KHDRBS2: variants seen among roughly 807,000 people sequenced by gnomAD.
KHDRBS2 encodes the protein KH domain-containing, RNA-binding, signal transduction-associated protein 2.
A neutral mutation model predicts 44.3 loss-of-function variants in KHDRBS2; 26 were observed. That is an observed-to-expected ratio of 0.59 (90% CI 0.43 to 0.81). The LOEUF is 0.81. KHDRBS2 is among the 40% of genes least tolerant of loss of function. The pLI, the probability that KHDRBS2 is intolerant of heterozygous loss-of-function variation, is 0.00. For synonymous variants in KHDRBS2, 194 were observed against 151.1 expected (o/e 1.28, Z -2.08); for missense variants, 476 against 433.1 (o/e 1.10, Z -0.88).
the KHDRBS2 span, among the ~76,000 whole-genome samples, chr6:61,564,574 T>C: frequency 1.3e-5 from 2 of 151,992 alleles, no homozygotes; most frequent in Non-Finnish European, 2.9e-5. Flanking sequence ...AGCATAAATG[T>C]AAAGTTGAGG....
intron 2 of KHDRBS2, among the ~76,000 whole-genome samples, chr6:62,098,594 G>T (rs73489274): frequency 6.6e-6 from 1 of 152,076 alleles, no homozygotes; most frequent in East Asian, 1.9e-4. Context: ...TTCGACCTTT[G>T]AGAGATCAAT....
At chr6:61,565,435 C>G in the KHDRBS2 span, among the ~76,000 whole-genome samples, 1 of 151,898 alleles carries the variant, frequency 6.6e-6, no homozygotes, top group African/African-American at 2.4e-5. Flanking sequence ...GGATAAAAAC[C>G]AGGATATAAA....
At chr6:61,807,994 A>C (rs1787440470) in intron 6 of KHDRBS2, among the ~76,000 whole-genome samples, 1 of 152,034 alleles carries the variant, frequency 6.6e-6, no homozygotes, top group South Asian at 2.1e-4. Context: ...AGAACAAATT[A>C]AATACTTTTT....
rs531003048 is a variant in KHDRBS2 at position 62,119,095 on chromosome 6, G to A, written c.219+58090C>T. On this transcript the variant is annotated intron_variant, in intron 2 of 8. Coordinates refer to ENST00000281156, the MANE Select transcript of KHDRBS2 (RefSeq NM_152688.4). ...GAGAATTCAAAGATAGATTTCTTTA[G>A]TTGGTTTTGGGGTTACTGGAGTTGG... Among the ~76,000 whole-genome samples the A allele has an allele frequency of 1.3e-4, 20 of 152,260 alleles. No individual in the cohort carries two copies. In the South Asian group the frequency reaches 1.7e-3, roughly 13 times the overall value.
intron 2 of KHDRBS2, among the ~76,000 whole-genome samples, chr6:62,069,292 G>T (rs1311742394): frequency 6.6e-6 from 1 of 151,656 alleles, no homozygotes; most frequent in South Asian, 2.1e-4. Context: ...AAAAGAAAAT[G>T]TTACTATGAA....
intron 2 of KHDRBS2, among the ~76,000 whole-genome samples, chr6:62,108,531 C>T (rs1180674702): frequency 1.3e-5 from 2 of 152,154 alleles, no homozygotes; most frequent in Non-Finnish European, 2.9e-5. Flanking sequence ...TCGTGGAAGT[C>T]AGTGTGGCGA....
At chr6:62,086,083 G>A (rs1477378734) in intron 2 of KHDRBS2, among the ~76,000 whole-genome samples, 1 of 152,094 alleles carries the variant, frequency 6.6e-6, no homozygotes. Context: ...TCAACTGGAT[G>A]TTTGAAAGAG....
At chr6:61,586,809 A>G in the KHDRBS2 span, among the ~76,000 whole-genome samples, 1 of 152,168 alleles carries the variant, frequency 6.6e-6, no homozygotes, top group African/African-American at 2.4e-5. Context: ...GATAGCATTC[A>G]AGACCCATAT....
chr6:62,100,173 T>A (rs1385422298), intron 2 of KHDRBS2, among the ~76,000 whole-genome samples: 5 of 152,184 alleles, frequency 3.3e-5, no homozygotes, highest in East Asian at 1.9e-4. Context: ...AGGATGTAAC[T>A]GTAGATGTAA....
chr6:61,573,991 C>G, the KHDRBS2 span, among the ~76,000 whole-genome samples: 2 of 152,112 alleles, frequency 1.3e-5, no homozygotes, highest in Admixed American at 6.6e-5. Flanking sequence ...CAAATACTTA[C>G]AGCCAACTGA....
At chr6:61,848,798 G>T (rs1476511884) in intron 6 of KHDRBS2, among the ~76,000 whole-genome samples, 1 of 150,520 alleles carries the variant, frequency 6.6e-6, no homozygotes, top group Non-Finnish European at 1.5e-5. Context: ...TTTTTAAACT[G>T]TAAGCTATTT....
intron 2 of KHDRBS2, among the ~76,000 whole-genome samples, chr6:62,118,763 T>A (rs1049207259): frequency 2.0e-5 from 3 of 152,296 alleles, no homozygotes; most frequent in Non-Finnish European, 4.4e-5. Context: ...ATGCTTCCTG[T>A]CACTAAAGGT....
chr6:61,965,271 T>C (rs1173091283), intron 4 of KHDRBS2, among the ~76,000 whole-genome samples: 2 of 151,944 alleles, frequency 1.3e-5, no homozygotes, highest in Non-Finnish European at 2.9e-5. Flanking sequence ...CCTTTATGGG[T>C]CTGGAAGCTT....
At chr6:62,212,713 G>A (rs991697219) in intron 1 of KHDRBS2, among the ~76,000 whole-genome samples, 4 of 152,196 alleles carry the variant, frequency 2.6e-5, no homozygotes, top group African/African-American at 4.8e-5. Context: ...GAGAGGCACA[G>A]AGCAACAGAT....
intron 2 of KHDRBS2, among the ~76,000 whole-genome samples, chr6:62,149,132 C>T (rs1814547939): frequency 6.6e-6 from 1 of 151,996 alleles, no homozygotes; most frequent in African/African-American, 2.4e-5. Context: ...GACAAATAAA[C>T]ATAAACGATT....
intron 4 of KHDRBS2, among the ~76,000 whole-genome samples, chr6:61,934,368 C>T (rs1283720168): frequency 1.3e-5 from 2 of 152,032 alleles, no homozygotes; most frequent in Non-Finnish European, 2.9e-5. Flanking sequence ...CCAAAAAATC[C>T]TTGCCCAGAC....
In KHDRBS2 at chr6:61,783,811, G is replaced by A. The variant is rs537871299; in HGVS notation, c.811-51047C>T. On this transcript the variant is annotated intron_variant, in intron 6 of 8. Coordinates refer to ENST00000281156, the MANE Select transcript of KHDRBS2 (RefSeq NM_152688.4). ...TAGTAGTCATTACCTATATGAGCTT[G>A]GGCTTTGTTGTTCATCATATGTAAA... 4.6e-5 allele frequency among the ~76,000 whole-genome samples: 7 copies of A among 152,080 alleles called. No individual in the cohort carries two copies. The South Asian group carries it at 8.3e-4, about 18-fold the overall frequency.
At chr6:61,948,059 C>T (rs1178263736) in intron 4 of KHDRBS2, among the ~76,000 whole-genome samples, 1 of 151,566 alleles carries the variant, frequency 6.6e-6, no homozygotes, top group African/African-American at 2.4e-5. Flanking sequence ...AATAATTCAC[C>T]TAAGGACAAT....
chr6:61,556,856 C>T, the KHDRBS2 span, among the ~76,000 whole-genome samples: 3 of 145,426 alleles, frequency 2.1e-5, no homozygotes, highest in South Asian at 2.2e-4. Context: ...CAAGGACATC[C>T]GTAAGTGAAA....
Sources: allele counts gnomAD v4.1 joint callset (sites outside exome capture counted in the v4.1 genomes callset), GRCh38; gene constraint gnomAD v4.1.1; transcripts MANE v1.5; gene names NCBI Gene and HGNC (gene_info 2026-07-23, HGNC 2026-07-21).